The following KDM4C variants were observed in gnomAD, a reference collection of about 807,000 sequenced individuals.
The protein encoded by KDM4C is lysine-specific demethylase 4C.
A neutral mutation model predicts 129.3 loss-of-function variants in KDM4C; 81 were observed. That is an observed-to-expected ratio of 0.63 (90% CI 0.52 to 0.75). The LOEUF (loss-of-function observed/expected upper bound fraction) is 0.75, where lower values mean the gene tolerates loss of function less well. Ranked by LOEUF, KDM4C falls within the 30% of genes least tolerant of loss-of-function variation. KDM4C has a pLI of 0.00. For synonymous variants in KDM4C, 573 were observed against 456.1 expected (o/e 1.26, Z -3.26); for missense variants, 1,457 against 1,304.0 (o/e 1.12, Z -1.81).
intron 1 of KDM4C, among the ~76,000 whole-genome samples, chr9:6,739,277 T>A (rs1280489077): frequency 6.6e-6 from 1 of 152,016 alleles, no homozygotes; most frequent in Non-Finnish European, 1.5e-5. Context: ...TTCACCATGT[T>A]GGCCAGGCTG....
chr9:6,799,044 G>C (rs910224976), intron 2 of KDM4C, among the ~76,000 whole-genome samples: 1 of 150,676 alleles, frequency 6.6e-6, no homozygotes, highest in Admixed American at 6.6e-5. Context: ...TCCTAGGTGG[G>C]ATGGCGGCCG....
intron 8 of KDM4C, among the ~76,000 whole-genome samples, chr9:6,942,812 T>C (rs568796316): frequency 1.3e-5 from 2 of 152,298 alleles, no homozygotes; most frequent in Admixed American, 6.5e-5. Flanking sequence ...GAAGGAAGCA[T>C]AGGGGGAGTA....
At chr9:7,136,164 A>G (rs1403691865) in intron 19 of KDM4C, among the ~76,000 whole-genome samples, 1 of 152,026 alleles carries the variant, frequency 6.6e-6, no homozygotes, top group African/African-American at 2.4e-5. Flanking sequence ...TGCAATGTTT[A>G]CTCCCTGTCT....
chr9:6,748,960 G>C, intron 1 of KDM4C: 1 of 860,310 alleles, frequency 1.2e-6, no homozygotes, highest in Non-Finnish European at 2.0e-6. Flanking sequence ...TGCACTTTCT[G>C]GCCCTGGCCA....
At chr9:7,148,332 G>C (rs190190029) in intron 19 of KDM4C, among the ~76,000 whole-genome samples, 1 of 152,170 alleles carries the variant, frequency 6.6e-6, no homozygotes. Flanking sequence ...GGTGAGCCGG[G>C]GGGCCATGTT....
intron 8 of KDM4C, among the ~76,000 whole-genome samples, chr9:6,938,008 G>T (rs766600899): frequency 6.6e-6 from 1 of 152,030 alleles, no homozygotes; most frequent in African/African-American, 2.4e-5. Flanking sequence ...CACCGTGGCC[G>T]GCCAGAATAA....
intron 8 of KDM4C, 119 bp downstream of exon 8, chr9:6,893,351 C>T (rs1180185327): frequency 5.8e-6 from 4 of 687,632 alleles, no homozygotes; most frequent in African/African-American, 3.7e-5. Context: ...ATGTGCCTCT[C>T]ACCACAGCAA....
intron 17 of KDM4C, among the ~76,000 whole-genome samples, chr9:7,086,093 G>C (rs768242129): frequency 3.3e-5 from 5 of 152,150 alleles, no homozygotes; most frequent in Non-Finnish European, 5.9e-5. Flanking sequence ...AGGAGGCGGA[G>C]GTTGCAGTGA....
intron 8 of KDM4C, among the ~76,000 whole-genome samples, chr9:6,925,911 G>A (rs369105971): frequency 3.3e-5 from 5 of 152,104 alleles, no homozygotes; most frequent in African/African-American, 9.7e-5. Flanking sequence ...ATCTTGAGCC[G>A]CAGCTTAGCT....
At chr9:7,064,863 T>C (rs1052622708) in intron 17 of KDM4C, among the ~76,000 whole-genome samples, 1 of 152,186 alleles carries the variant, frequency 6.6e-6, no homozygotes, top group African/African-American at 2.4e-5. Context: ...AGGTGTCCAT[T>C]TGGCCAGTGA....
intron 1 of KDM4C, among the ~76,000 whole-genome samples, chr9:6,785,072 A>G (rs1284270978): frequency 6.6e-6 from 1 of 152,184 alleles, no homozygotes; most frequent in Non-Finnish European, 1.5e-5. Flanking sequence ...CCTAGGGCTA[A>G]TGTAACTAAT....
chr9:6,863,137 A>T (rs974027654), intron 5 of KDM4C, among the ~76,000 whole-genome samples: 1 of 152,126 alleles, frequency 6.6e-6, no homozygotes, highest in African/African-American at 2.4e-5. Context: ...ATAGAAACAA[A>T]ATAAAAACAA....
chr9:6,928,113 G>A (rs543683613), intron 8 of KDM4C, among the ~76,000 whole-genome samples: 2 of 152,044 alleles, frequency 1.3e-5, no homozygotes, highest in African/African-American at 2.4e-5. Flanking sequence ...TATCAAGGTC[G>A]TCTCTAGGCC....
At chr9:7,080,192 A>T (rs985362810) in intron 17 of KDM4C, among the ~76,000 whole-genome samples, 4 of 152,208 alleles carry the variant, frequency 2.6e-5, no homozygotes, top group African/African-American at 9.6e-5. Flanking sequence ...AGCCACAGGT[A>T]TTGGAGCAGA....
chr9:6,834,932 A>G (rs1835598077), intron 4 of KDM4C: 1 of 1,134,702 alleles, frequency 8.8e-7, no homozygotes, highest in African/African-American at 1.5e-5. Context: ...TGACGGGGTC[A>G]CCCACAGTGT....
intron 1 of KDM4C, among the ~76,000 whole-genome samples, chr9:6,725,991 A>T (rs889639688): frequency 1.2e-4 from 18 of 149,674 alleles, no homozygotes; most frequent in African/African-American, 4.5e-4. Context: ...CAGTGGCGCG[A>T]TCTCGGCTCA....
intron 19 of KDM4C, among the ~76,000 whole-genome samples, chr9:7,133,079 C>G (rs1840815492): frequency 6.6e-6 from 1 of 152,166 alleles, no homozygotes; most frequent in South Asian, 2.1e-4. Flanking sequence ...GTTTTTTTCT[C>G]ACATAAAGGC....
intron 4 of KDM4C, among the ~76,000 whole-genome samples, chr9:6,846,867 T>C (rs992795767): frequency 6.6e-5 from 10 of 152,196 alleles, no homozygotes; most frequent in African/African-American, 2.4e-4. Context: ...TTCATTAGCT[T>C]ATTTAGTGCT....
At chr9:6,739,072 TC>T (rs1408523137) in intron 1 of KDM4C, among the ~76,000 whole-genome samples, 1 of 151,598 alleles carries the variant, frequency 6.6e-6, no homozygotes, top group Non-Finnish European at 1.5e-5. Flanking sequence ...ATGTAGATAT[TC>T]CTAATTATTA....
Sources: allele counts gnomAD v4.1 joint callset (sites outside exome capture counted in the v4.1 genomes callset), GRCh38; gene constraint gnomAD v4.1.1; transcripts MANE v1.5; gene names NCBI Gene and HGNC (gene_info 2026-07-23, HGNC 2026-07-21).